DLGAP1: variants seen among roughly 807,000 people sequenced by gnomAD.
DLGAP1 encodes the protein disks large-associated protein 1.
DLGAP1 carries 11 observed loss-of-function variants against 90.8 expected under a neutral mutation model. The ratio of observed to expected loss-of-function variants is 0.12; its 90% CI spans 0.08 to 0.20. The LOEUF is 0.20. Ranked by LOEUF, DLGAP1 falls within the 10% of genes least tolerant of loss-of-function variation. The pLI is 1.00. For missense variants in DLGAP1, 1,050 were observed against 1,333.8 expected, an observed-to-expected ratio of 0.79 and a Z score of 3.31; for synonymous variants, 558 against 540.7, an observed-to-expected ratio of 1.03 and a Z score of -0.44.
Position 3,534,305 on chromosome 18 carries a change from G to A in DLGAP1, c.2368C>T (p.His790Tyr), listed in dbSNP as rs2052197419. ...PLEAVQRSVC[H>Y]RDGHWFLKLL... ...TTCAGGAACCAGTGGCCATCCCGGTGGCACACTGACCTTTGCACGGCCTCC... is the reference window on the plus strand; with the variant it reads ...TTCAGGAACCAGTGGCCATCCCGGTAGCACACTGACCTTTGCACGGCCTCC... The change falls in exon 10 of 13, where the codon CAC becomes TAC. Residue 790 changes from histidine (H) to tyrosine (Y), a missense_variant. By Grantham distance (83) the His-to-Tyr change is moderately conservative (BLOSUM62 2). Around this residue, in one of 2 missense-constraint regions of DLGAP1, gnomAD observed 565 missense variants for 879.7 expected, o/e 0.64. Transcript: ENST00000315677. The A allele has an allele frequency of 6.2e-7, 1 of 1,614,098 alleles. No individual in the cohort carries two copies. The highest frequency in any genetic ancestry group is 1.3e-5 in the African/African-American group (1 of 74,932).
intron 7 of DLGAP1, among the ~76,000 whole-genome samples, chr18:3,682,859 CT>C (rs762260717): frequency 1.5e-3 from 208 of 141,128 alleles, no homozygotes; most frequent in Middle Eastern, 3.7e-3. Context: ...TTCTTTCTTT[CT>C]TTTTTTTTTT....
chr18:3,829,181 A>T (rs2067895174), intron 4 of DLGAP1, among the ~76,000 whole-genome samples: 4 of 152,224 alleles, frequency 2.6e-5, no homozygotes, highest in Admixed American at 2.6e-4. Flanking sequence ...TTACCTGAAC[A>T]TCTTTTAACT....
At chr18:3,845,952 C>T (rs73374509) in intron 4 of DLGAP1, among the ~76,000 whole-genome samples, 16,811 of 151,904 alleles carry the variant, frequency 0.11, 1,018 homozygotes, top group Middle Eastern at 0.14. Flanking sequence ...AAGAATTAAA[C>T]GTGTTGTAGA....
chr18:3,828,554 C>G (rs1462847493), intron 4 of DLGAP1, among the ~76,000 whole-genome samples: 1 of 149,058 alleles, frequency 6.7e-6, no homozygotes, highest in Non-Finnish European at 1.5e-5. Flanking sequence ...GTGAGAGGAT[C>G]TCCTGAGCCT....
At chr18:3,800,073 T>C (rs181991443) in intron 5 of DLGAP1, among the ~76,000 whole-genome samples, 17 of 152,334 alleles carry the variant, frequency 1.1e-4, no homozygotes, top group African/African-American at 3.1e-4. Context: ...CCGAGTGGCA[T>C]AGTCTCAGAA....
At chr18:4,186,708 T>C (rs947914511) in intron 1 of DLGAP1, among the ~76,000 whole-genome samples, 10 of 152,292 alleles carry the variant, frequency 6.6e-5, no homozygotes, top group Admixed American at 4.6e-4. Context: ...TCAGGTAATG[T>C]GATGCGTCCA....
chr18:4,256,622 G>A (rs2078892659), intron 1 of DLGAP1, among the ~76,000 whole-genome samples: 1 of 151,948 alleles, frequency 6.6e-6, no homozygotes, highest in Admixed American at 6.6e-5. Flanking sequence ...CATACGTGCT[G>A]AAGTTTTCAT....
intron 3 of DLGAP1, among the ~76,000 whole-genome samples, chr18:3,935,516 T>A (rs1264588165): frequency 6.6e-6 from 1 of 152,174 alleles, no homozygotes; most frequent in Non-Finnish European, 1.5e-5. Flanking sequence ...AATAGAAGTA[T>A]CAAGTTACTA....
chr18:4,240,509 TC>T (rs1442568292), intron 1 of DLGAP1, among the ~76,000 whole-genome samples: 1 of 152,162 alleles, frequency 6.6e-6, no homozygotes, highest in Non-Finnish European at 1.5e-5. Context: ...TCTCTTGAAA[TC>T]AGATTTTCTG....
At chr18:4,316,286 A>G (rs1464035022) in intron 1 of DLGAP1, among the ~76,000 whole-genome samples, 1 of 152,118 alleles carries the variant, frequency 6.6e-6, no homozygotes, top group Non-Finnish European at 1.5e-5. Flanking sequence ...AACTGTTTAA[A>G]CTCTATATTG....
chr18:4,198,352 G>T (rs554056459), intron 1 of DLGAP1, among the ~76,000 whole-genome samples: 1 of 152,288 alleles, frequency 6.6e-6, no homozygotes, highest in East Asian at 1.9e-4. Flanking sequence ...GAACCCAAGA[G>T]GATCTCAAAT....
chr18:3,580,525 G>T (rs374753085), intron 8 of DLGAP1: 2 of 1,598,350 alleles, frequency 1.3e-6, no homozygotes, highest in Non-Finnish European at 1.7e-6. Flanking sequence ...AGGAGGCGGC[G>T]GCAGCGGAGA....
At chr18:4,006,733 C>T (rs1434722422) in intron 2 of DLGAP1, among the ~76,000 whole-genome samples, 1 of 151,560 alleles carries the variant, frequency 6.6e-6, no homozygotes, top group Non-Finnish European at 1.5e-5. Context: ...GCATCCTTGA[C>T]CCCCAGTGTT....
chr18:3,656,202 G>C, intron 7 of DLGAP1: 2 of 1,154,092 alleles, frequency 1.7e-6, no homozygotes, highest in Non-Finnish European at 2.4e-6. Context: ...TTCAGATTTG[G>C]ATTTTTCTTT....
Position 3,879,018 on chromosome 18 carries a change from A to G in DLGAP1, c.957+94T>C. The G allele has an allele frequency of 9.1e-7, 1 of 1,097,972 alleles. No individual in the cohort carries two copies. Among genetic ancestry groups the G allele is most frequent in the Non-Finnish European group, 1.3e-6 (1 of 799,518 alleles). The allele number at this position is 1,097,972 out of a possible 1,614,324, so 68.0% of individuals were successfully genotyped here. A position where few individuals can be genotyped will look rare whatever the true frequency, so the allele number is the denominator to read the frequency against. ...GCACAGGTTCCTATCTTAATAGACA[A>G]TTCAGAGTAGTGCCAAGACTAGAAC... is the stretch of plus-strand genomic sequence containing the variant. On this transcript the variant is annotated intron_variant, in intron 4 of 12. Coordinates refer to ENST00000315677, the MANE Select transcript of DLGAP1 (RefSeq NM_004746.4). This position sits in a 1 kb window ranked among gnomAD's most constrained non-coding sequence, Gnocchi z 6.6.
At chr18:3,611,392 T>G (rs1419825212) in intron 7 of DLGAP1, among the ~76,000 whole-genome samples, 2 of 152,048 alleles carry the variant, frequency 1.3e-5, no homozygotes, top group Non-Finnish European at 2.9e-5. Flanking sequence ...AGTTGCAGCT[T>G]GCTCATTCAA....
At chr18:4,220,281 A>T (rs909436129) in intron 1 of DLGAP1, among the ~76,000 whole-genome samples, 1 of 130,684 alleles carries the variant, frequency 7.7e-6, no homozygotes, top group African/African-American at 2.7e-5. Flanking sequence ...ATAAAATCTA[A>T]ATCTCTCTTT....
chr18:3,939,496 A>C (rs1367781414), intron 3 of DLGAP1, among the ~76,000 whole-genome samples: 2 of 151,958 alleles, frequency 1.3e-5, no homozygotes, highest in African/African-American at 4.8e-5. Context: ...AAACCAAAAA[A>C]CAAACAAACA....
chr18:3,793,050 A>G (rs774175661), intron 5 of DLGAP1, among the ~76,000 whole-genome samples: 50 of 152,190 alleles, frequency 3.3e-4, no homozygotes, highest in Admixed American at 1.3e-4. Flanking sequence ...ACAGCTCACA[A>G]GTGCGGCGCT....
Sources: allele counts gnomAD v4.1 joint callset (sites outside exome capture counted in the v4.1 genomes callset), GRCh38; gene constraint gnomAD v4.1.1; regional missense constraint gnomAD v4.1.1; non-coding constraint Gnocchi (gnomAD v3.1); transcripts MANE v1.5; gene names NCBI Gene and HGNC (gene_info 2026-07-23, HGNC 2026-07-21).